FAM229B: variants seen among roughly 807,000 people sequenced by gnomAD.
FAM229B encodes protein FAM229B.
FAM229B carries 2 observed loss-of-function variants against 6.7 expected under a neutral mutation model. The ratio of observed to expected loss-of-function variants is 0.30; its 90% confidence interval spans 0.12 to 0.94. The LOEUF (loss-of-function observed/expected upper bound fraction) is 0.94, where lower values mean the gene tolerates loss of function less well. FAM229B is among the 40% of genes least tolerant of loss of function. The probability of loss-of-function intolerance (pLI) is 0.54; values close to 1 mark genes in which losing one functional copy is unlikely to be tolerated. For synonymous variants in FAM229B, 29 were observed against 34.0 expected (o/e 0.85, Z 0.51); for missense variants, 93 against 96.2 (o/e 0.97, Z 0.14).
chr6:112,098,164 C>T (rs1016322600), intron 2 of FAM229B, among the ~76,000 whole-genome samples: 8 of 152,010 alleles, frequency 5.3e-5, no homozygotes, highest in Middle Eastern at 6.8e-3. Flanking sequence ...ATAACTGTTA[C>T]GAAGGAGAAA....
rs148470259 is a variant in FAM229B, at chr6:112,101,205, C to T, written c.*418C>T. 1.4e-4 allele frequency: 22 copies of T among 157,690 alleles called. No individual in the cohort carries two copies. The highest frequency in any genetic ancestry group is 5.0e-4 in the African/African-American group (21 of 41,598). 9.8% of individuals were successfully genotyped at this position (157,690 alleles called of 1,614,324 possible). ...CACCTTAGTACCCTAAGCCAGTTTC[C>T]TGGCTTGATACTATTTGATAATGCT... On this transcript the variant is annotated 3_prime_UTR_variant, in exon 4 of 4. Coordinates refer to ENST00000368656, the MANE Select transcript of FAM229B (RefSeq NM_001033564.3).
chr6:112,093,630 A>G (rs2114504335), intron 1 of FAM229B, among the ~76,000 whole-genome samples: 1 of 152,262 alleles, frequency 6.6e-6, no homozygotes, highest in Admixed American at 6.5e-5. Context: ...AACTCTAAAT[A>G]AATTTAAAAG....
At position 112,092,347 on chromosome 6, in the gene FAM229B, T is replaced by C. The variant is rs371764409; in HGVS notation, c.-176+4627T>C. Among the ~76,000 whole-genome samples the C allele has an allele frequency of 2.0e-4, 30 of 151,906 alleles. 1 individual carries two copies. In the South Asian group the frequency reaches 5.4e-3, roughly 27 times the overall value. ...CATATTACATATAGAGGAACAAAGATAAAAAAATCAACAGACTTCTTGTTG... is the reference window on the plus strand; with the variant it reads ...CATATTACATATAGAGGAACAAAGACAAAAAAATCAACAGACTTCTTGTTG... On this transcript the variant is annotated intron_variant, in intron 1 of 3. Coordinates refer to ENST00000368656, the MANE Select transcript of FAM229B (RefSeq NM_001033564.3).
rs1432227862 is a variant in FAM229B, at chr6:112,099,484, A to G, written c.125+76A>G. The G allele has an allele frequency of 3.6e-6, 5 of 1,382,692 alleles. No individual in the cohort carries two copies. The African/African-American group carries it at 5.9e-5, about 16-fold the overall frequency. The allele number at this position is 1,382,692 out of a possible 1,614,324, so 85.7% of individuals were successfully genotyped here. A position where few individuals can be genotyped will look rare whatever the true frequency, so the allele number is the denominator to read the frequency against. ...ATACAACCTTCAGCTGATATTCATTATTAGCAAGAAAAAACTCTCAGCAAT... is the reference window on the plus strand; with the variant it reads ...ATACAACCTTCAGCTGATATTCATTGTTAGCAAGAAAAAACTCTCAGCAAT... On this transcript the variant is annotated intron_variant, in intron 3 of 3. Transcript: ENST00000368656.
chr6:112,090,493 A>G (rs1777243351), intron 1 of FAM229B, among the ~76,000 whole-genome samples: 1 of 152,098 alleles, frequency 6.6e-6, no homozygotes, highest in Admixed American at 6.5e-5. Context: ...TATATTTTAG[A>G]TTTTTGTTAT....
chr6:112,087,601 C>G lies in FAM229B; in HGVS notation c.-295C>G. 1 of 711,076 alleles carries G rather than the reference C, an allele frequency of 1.4e-6. No individual in the cohort carries two copies. The highest frequency in any genetic ancestry group is 2.3e-6 in the Non-Finnish European group (1 of 438,274). The allele number at this position is 711,076 out of a possible 1,614,324, so 44.0% of individuals were successfully genotyped here. A position where few individuals can be genotyped will look rare whatever the true frequency, so the allele number is the denominator to read the frequency against. The stretch of plus-strand genomic sequence containing the variant: ...AGGCTAAGGTTTTCCGTCAGAAGGC[C>G]GCGCAAGTGCACTTGCGTGTCACCG... On this transcript the variant is annotated 5_prime_UTR_variant, in exon 1 of 4. Coordinates refer to ENST00000368656, the MANE Select transcript of FAM229B (RefSeq NM_001033564.3).
chr6:112,088,127 T>C (rs1777203161), intron 1 of FAM229B, among the ~76,000 whole-genome samples: 1 of 152,196 alleles, frequency 6.6e-6, no homozygotes, highest in African/African-American at 2.4e-5. Context: ...ACAATCTAAT[T>C]GAAGACATAC....
At chr6:112,093,709 T>G (rs1201389360) in intron 1 of FAM229B, among the ~76,000 whole-genome samples, 3 of 152,058 alleles carry the variant, frequency 2.0e-5, no homozygotes, top group Non-Finnish European at 4.4e-5. Flanking sequence ...AACAGAAAAG[T>G]AGAATATTCC....
Position 112,087,637 on chromosome 6 carries a change from G to A in FAM229B, c.-259G>A, listed in dbSNP as rs1348490759. The A allele has an allele frequency of 1.6e-6, 1 of 606,478 alleles. No homozygotes were observed. The highest frequency in any genetic ancestry group is 3.0e-5 in the Admixed American group (1 of 33,228). 37.6% of individuals were successfully genotyped at this position (606,478 alleles called of 1,614,324 possible). A position where few individuals can be genotyped will look rare whatever the true frequency, so the allele number is the denominator to read the frequency against. On this transcript the variant is annotated 5_prime_UTR_variant, in exon 1 of 4. Coordinates refer to ENST00000368656, the MANE Select transcript of FAM229B (RefSeq NM_001033564.3). The stretch of plus-strand genomic sequence containing the variant: ...ACTTGCGTGTCACCGTTACCGTAGC[G>A]ACTGGGCTTCTGGACTGTATATCCT...
chr6:112,099,476 T>G, intron 3 of FAM229B, 68 bp downstream of exon 3: 21 of 1,412,632 alleles, frequency 1.5e-5, no homozygotes, highest in East Asian at 2.4e-5. Flanking sequence ...CTTCAGCTGA[T>G]ATTCATTATT....
intron 2 of FAM229B, 92 bp from the exon 3 acceptor site, chr6:112,099,178 A>G: frequency 8.8e-7 from 1 of 1,140,728 alleles, no homozygotes; most frequent in East Asian, 2.5e-5. Context: ...TCTTTAAAAC[A>G]TTCCATGCAA....
intron 1 of FAM229B, among the ~76,000 whole-genome samples, chr6:112,095,205 C>A (rs1777305613): frequency 6.6e-6 from 1 of 152,164 alleles, no homozygotes; most frequent in African/African-American, 2.4e-5. Context: ...ATTCTTGTGT[C>A]CCAGTTATTG....
chr6:112,096,946 AC>A (rs1249112163), intron 1 of FAM229B, 94 bp from the exon 2 acceptor site: 2 of 152,248 alleles, frequency 1.3e-5, no homozygotes, highest in Non-Finnish European at 1.5e-5. Flanking sequence ...GCCAGTAAAA[AC>A]AAGAATGAAA....
intron 2 of FAM229B, 116 bp from the exon 3 acceptor site, chr6:112,099,153 TA>T: frequency 1.1e-6 from 1 of 899,388 alleles, no homozygotes. Flanking sequence ...CTGGCCAACA[TA>T]GTGAGACTCT....
intron 2 of FAM229B, among the ~76,000 whole-genome samples, chr6:112,097,554 C>T (rs781963035): frequency 2.0e-4 from 30 of 151,954 alleles, no homozygotes; most frequent in Admixed American, 5.2e-4. Flanking sequence ...ACATTGTGTA[C>T]TAATAGCTGA....
chr6:112,099,128 C>G (rs1777362535), intron 2 of FAM229B, 142 bp from the exon 3 acceptor site: 1 of 687,256 alleles, frequency 1.5e-6, no homozygotes, highest in Non-Finnish European at 2.4e-6. Context: ...TGGTGAATAA[C>G]CATTGCACTC....
At chr6:112,099,940 A>G (rs1777374922) in intron 3 of FAM229B, among the ~76,000 whole-genome samples, 1 of 152,204 alleles carries the variant, frequency 6.6e-6, no homozygotes. Context: ...GATTAGTTCC[A>G]TTTCTCTGAT....
In FAM229B at chr6:112,087,778, A is replaced by C. The variant is rs1777195818; in HGVS notation, c.-176+58A>C. ...TGTGTCGTTAAGCTGTTCGTGGGCT[A>C]TCAGAGGTTTAATTTTTGTTCACAG... On this transcript the variant is annotated intron_variant, in intron 1 of 3. Coordinates refer to ENST00000368656, the MANE Select transcript of FAM229B (RefSeq NM_001033564.3). 1.6e-5 allele frequency: 5 copies of C among 308,452 alleles called. No individual in the cohort carries two copies. In the East Asian group the frequency reaches 2.7e-4, roughly 17 times the overall value. 19.1% of individuals were successfully genotyped at this position (308,452 alleles called of 1,614,324 possible).
At position 112,100,832 on chromosome 6, in the gene FAM229B, G is replaced by C. The variant is rs782281193; in HGVS notation, c.*45G>C. Reference sequence around the variant, plus strand: ...AAGGTCTGACTAGGTCAAGGGTAATGGACCAGTATCATCTGGTGATCTGGT... The same window carrying C: ...AAGGTCTGACTAGGTCAAGGGTAATCGACCAGTATCATCTGGTGATCTGGT... On this transcript the variant is annotated 3_prime_UTR_variant, in exon 4 of 4. Coordinates refer to ENST00000368656, the MANE Select transcript of FAM229B (RefSeq NM_001033564.3). 9 of 1,372,244 alleles carry C rather than the reference G, an allele frequency of 6.6e-6. No homozygotes were observed. The highest frequency in any genetic ancestry group is 9.4e-6 in the Non-Finnish European group (9 of 962,244). 85.0% of individuals were successfully genotyped at this position (1,372,244 alleles called of 1,614,324 possible). A position where few individuals can be genotyped will look rare whatever the true frequency, so the allele number is the denominator to read the frequency against.
Sources: allele counts gnomAD v4.1 joint callset (sites outside exome capture counted in the v4.1 genomes callset), GRCh38; gene constraint gnomAD v4.1.1; transcripts MANE v1.5; gene names NCBI Gene and HGNC (gene_info 2026-07-23, HGNC 2026-07-21).